KCNG3: variants seen among roughly 807,000 people sequenced by gnomAD.
KCNG3 encodes potassium voltage-gated channel modifier subfamily G member 3, also known as voltage-gated potassium channel regulatory subunit KCNG3.
KCNG3 carries 15 observed loss-of-function variants against 29.0 expected under a neutral mutation model. The observed-to-expected ratio is 0.52, with a 90% CI of 0.35 to 0.80. The LOEUF is 0.80. KCNG3 is among the 30% of genes least tolerant of loss of function. The probability of loss-of-function intolerance (pLI) is 0.01; values close to 1 mark genes in which losing one functional copy is unlikely to be tolerated. For synonymous variants in KCNG3, 322 were observed against 248.9 expected, an observed-to-expected ratio of 1.29 and a Z score of -2.76; for missense variants, 512 against 605.7, an observed-to-expected ratio of 0.85 and a Z score of 1.62.
In KCNG3 at chr2:42,464,460, G is replaced by T. The variant is rs575761208; in HGVS notation, c.666-19881C>A. 3.9e-5 allele frequency among the ~76,000 whole-genome samples: 6 copies of T among 152,250 alleles called. No homozygotes were observed. The East Asian group carries it at 9.7e-4, about 24-fold the overall frequency. On this transcript the variant is annotated intron_variant, in intron 1 of 1. Coordinates refer to ENST00000306078, the MANE Select transcript of KCNG3 (RefSeq NM_133329.6). ...AATAAGCTAAGTGTTTTAGTCTATA[G>T]TCATGAATACAAAAACATTCGCAGT...
In KCNG3 at chr2:42,493,018, C is replaced by G. The variant is rs1673945529; in HGVS notation, c.484G>C (p.Glu162Gln). Residue 162 changes from glutamate (E) to glutamine (Q), a missense_variant, in exon 1 of 2, where the codon GAG becomes CAG. By Grantham distance (29) the Glu-to-Gln change is conservative (BLOSUM62 2). This residue lies in a region of KCNG3 where 228 missense variants were observed against 200.0 expected (regional missense o/e 1.14). Transcript: ENST00000306078. ...RWLERMRRTF[E>Q]EPTSSLAAQI... ...GCGGCCAGCGACGACGTGGGCTCCTCGAAGGTCCGCCGCATGCGCTCCAGC... is the reference window on the plus strand; with the variant it reads ...GCGGCCAGCGACGACGTGGGCTCCTGGAAGGTCCGCCGCATGCGCTCCAGC... 3 of 1,525,094 alleles carry G rather than the reference C, an allele frequency of 2.0e-6. No individual in the cohort carries two copies. The highest frequency in any genetic ancestry group is 2.6e-6 in the Non-Finnish European group (3 of 1,140,512). The allele number at this position is 1,525,094 out of a possible 1,614,324, so 94.5% of individuals were successfully genotyped here.
At chr2:42,406,675 A>T in the KCNG3 span, among the ~76,000 whole-genome samples, 2 of 151,536 alleles carry the variant, frequency 1.3e-5, no homozygotes, top group Non-Finnish European at 2.9e-5. Flanking sequence ...AAATTTAAAA[A>T]AATAAGCCAG....
the KCNG3 span, among the ~76,000 whole-genome samples, chr2:42,427,727 T>G: frequency 6.6e-6 from 1 of 152,242 alleles, no homozygotes; most frequent in Non-Finnish European, 1.5e-5. Flanking sequence ...ATAATTTAAA[T>G]AGAATATAAT....
chr2:42,390,235 C>T, the KCNG3 span, among the ~76,000 whole-genome samples: 2 of 152,152 alleles, frequency 1.3e-5, no homozygotes, highest in Non-Finnish European at 2.9e-5. Context: ...TTCTTTTGCT[C>T]ATCTCCTGTA....
chr2:42,449,749 C>A (rs1038523487), intron 1 of KCNG3, among the ~76,000 whole-genome samples: 3 of 152,106 alleles, frequency 2.0e-5, no homozygotes, highest in East Asian at 1.9e-4. Context: ...CCGCACCCAG[C>A]CTGGGATTTC....
intron 1 of KCNG3, among the ~76,000 whole-genome samples, chr2:42,487,623 G>A (rs1397680340): frequency 1.3e-5 from 2 of 152,148 alleles, no homozygotes; most frequent in African/African-American, 4.8e-5. Context: ...ACTTTGCAGA[G>A]TATGCAGAAA....
At chr2:42,490,558 G>C (rs1673846563) in intron 1 of KCNG3, among the ~76,000 whole-genome samples, 1 of 152,176 alleles carries the variant, frequency 6.6e-6, no homozygotes, top group Non-Finnish European at 1.5e-5. Flanking sequence ...AACTCTCAGA[G>C]ATCAATTGTG....
intron 1 of KCNG3, among the ~76,000 whole-genome samples, chr2:42,465,608 T>C (rs1226298573): frequency 6.6e-6 from 1 of 152,120 alleles, no homozygotes; most frequent in Non-Finnish European, 1.5e-5. Context: ...GTAGTAATCA[T>C]GAAAGAAAAT....
intron 1 of KCNG3, among the ~76,000 whole-genome samples, chr2:42,478,330 G>C (rs1267519970): frequency 1.3e-5 from 2 of 152,064 alleles, no homozygotes; most frequent in Non-Finnish European, 2.9e-5. Flanking sequence ...CGACCTCCTG[G>C]GCTCAAGCAA....
Position 42,493,289 on chromosome 2 carries a change from G to T in KCNG3, c.213C>A (p.Gly71=). 4 of 1,611,938 alleles carry T rather than the reference G, an allele frequency of 2.5e-6. No individual in the cohort carries two copies. The highest frequency in any genetic ancestry group is 3.4e-6 in the Non-Finnish European group (4 of 1,179,628). ...GGCCGCGCACGTAGAGCAGGATGAA[G>T]CCGAAGGCCTCCGAGTGCCGGTCGA... is the stretch of plus-strand genomic sequence containing the variant. The part of the protein sequence containing the change: ...YFFDRHSEAF[G]FILLYVRGHG... The change falls in exon 1 of 2, where the codon GGC becomes GGA. Residue 71 remains glycine (G), a synonymous_variant. Coordinates refer to ENST00000306078, the MANE Select transcript of KCNG3 (RefSeq NM_133329.6).
chr2:42,413,777 A>G, the KCNG3 span: 1 of 152,380 alleles, frequency 6.6e-6, no homozygotes, highest in Non-Finnish European at 1.5e-5. Context: ...AAGTGGGGAA[A>G]GCCCCTTATA....
Position 42,493,331 on chromosome 2 carries a change from C to G in KCNG3, c.171G>C (p.Glu57Asp), listed in dbSNP as rs1673962808. 1.2e-6 allele frequency: 2 copies of G among 1,604,804 alleles called. No homozygotes were observed. The highest frequency in any genetic ancestry group is 1.7e-6 in the Non-Finnish European group (2 of 1,175,884). ...GCCGGTCGAAGAAGTACTCGTTGCG[C>G]TCGCGGTCGTAGTCGTCGCACACCT... The part of the protein sequence containing the change: ...VLEVCDDYDR[E>D]RNEYFFDRHS... Residue 57 changes from glutamate (E) to aspartate (D), a missense_variant, in exon 1 of 2, where the codon GAG becomes GAC. By Grantham distance (45) the Glu-to-Asp change is conservative (BLOSUM62 2). This residue lies in a region of KCNG3 where 91 missense variants were observed against 91.1 expected (regional missense o/e 1.00). Transcript: ENST00000306078.
chr2:42,482,938 T>C (rs1490018017), intron 1 of KCNG3, among the ~76,000 whole-genome samples: 4 of 151,870 alleles, frequency 2.6e-5, no homozygotes, highest in African/African-American at 7.3e-5. Flanking sequence ...CCGGACAATA[T>C]AGCAAGATCC....
the KCNG3 span, among the ~76,000 whole-genome samples, chr2:42,408,611 G>A: frequency 6.6e-6 from 1 of 152,120 alleles, no homozygotes; most frequent in East Asian, 1.9e-4. Context: ...GCAGAAAGGA[G>A]CTGCCCCCTG....
At chr2:42,467,950 G>A (rs1257486799) in intron 1 of KCNG3, among the ~76,000 whole-genome samples, 3 of 149,304 alleles carry the variant, frequency 2.0e-5, no homozygotes, top group Non-Finnish European at 3.0e-5. Context: ...CAGCCTGGGT[G>A]ACAGAATGAG....
At chr2:42,396,449 A>G in the KCNG3 span, among the ~76,000 whole-genome samples, 1 of 152,222 alleles carries the variant, frequency 6.6e-6, no homozygotes, top group African/African-American at 2.4e-5. Flanking sequence ...TTTCCTTTTC[A>G]TAATAAAAAG....
chr2:42,488,443 T>C (rs1296384651), intron 1 of KCNG3, among the ~76,000 whole-genome samples: 5 of 152,150 alleles, frequency 3.3e-5, no homozygotes, highest in African/African-American at 1.2e-4. Context: ...TGCTGAATCA[T>C]AGTTCACTGC....
the KCNG3 span, among the ~76,000 whole-genome samples, chr2:42,421,294 G>A: frequency 1.3e-5 from 2 of 152,114 alleles, no homozygotes; most frequent in Non-Finnish European, 2.9e-5. Context: ...TGCTGTTCTG[G>A]TAAAGCATTT....
the KCNG3 span, among the ~76,000 whole-genome samples, chr2:42,399,245 C>T: frequency 5.3e-5 from 8 of 151,916 alleles, no homozygotes. Context: ...TTTATAGGGA[C>T]AGGATCTTGC....
Sources: gnomAD v4.1 joint callset for allele counts (sites outside exome capture counted in the v4.1 genomes callset) on GRCh38, gnomAD v4.1.1 for gene constraint, gnomAD v4.1.1 regional missense constraint, MANE v1.5 for transcripts, NCBI Gene and HGNC (gene_info 2026-07-23, HGNC 2026-07-21) for gene names.